Variants in SNX2 observed in about 807,000 individuals in gnomAD.
The protein encoded by SNX2 is sorting nexin 2.
In SNX2, 25 loss-of-function variants were observed where a neutral mutation model predicts 69.9. The observed-to-expected ratio is 0.36, with a 90% CI of 0.26 to 0.50. SNX2 has a LOEUF of 0.50. SNX2 is among the 20% of genes least tolerant of loss of function. The probability of loss-of-function intolerance (pLI) is 0.97; values close to 1 mark genes in which losing one functional copy is unlikely to be tolerated. For synonymous variants in SNX2, 229 were observed against 200.4 expected, an observed-to-expected ratio of 1.14 and a Z score of -1.20; for missense variants, 551 against 613.3, an observed-to-expected ratio of 0.90 and a Z score of 1.07.
chr5:122,805,825 G>A (rs906248494), intron 6 of SNX2, among the ~76,000 whole-genome samples: 18 of 152,060 alleles, frequency 1.2e-4, no homozygotes, highest in Admixed American at 1.0e-3. Context: ...CTGTTGCCCA[G>A]GCTGGAGTGC....
intron 11 of SNX2, among the ~76,000 whole-genome samples, chr5:122,822,792 A>G (rs571068320): frequency 5.3e-5 from 8 of 152,178 alleles, no homozygotes; most frequent in African/African-American, 1.9e-4. Flanking sequence ...ATTGAGGGCA[A>G]TGGTTCTTAA....
rs566118543 is a variant in SNX2, at chr5:122,814,388, A to G, written c.723-1508A>G. ...GCAAAAATTTTTTTAAACCCAGCAT[A>G]GATTGTATCGAAGATACCTGTTAAA... is the stretch of plus-strand genomic sequence containing the variant. On this transcript the variant is annotated intron_variant, in intron 7 of 14. Transcript: ENST00000379516. 1.1e-4 allele frequency among the ~76,000 whole-genome samples: 17 copies of G among 152,328 alleles called. No homozygotes were observed. The South Asian group carries it at 3.5e-3, about 32-fold the overall frequency.
intron 1 of SNX2, among the ~76,000 whole-genome samples, chr5:122,781,190 C>A (rs1752973557): frequency 6.6e-6 from 1 of 152,192 alleles, no homozygotes; most frequent in Admixed American, 6.5e-5. Flanking sequence ...CTCTTCCCAG[C>A]CTCTGGCAAC....
At chr5:122,785,869 G>A (rs1343854632) in intron 1 of SNX2, among the ~76,000 whole-genome samples, 1 of 152,310 alleles carries the variant, frequency 6.6e-6, no homozygotes, top group East Asian at 1.9e-4. Context: ...GTTGGGTGGA[G>A]TGTCGTACAA....
intron 1 of SNX2, among the ~76,000 whole-genome samples, chr5:122,790,816 A>C (rs1335110629): frequency 6.6e-6 from 1 of 152,222 alleles, no homozygotes; most frequent in African/African-American, 2.4e-5. Flanking sequence ...CAAGAAAAGC[A>C]GTTGTTCCTT....
intron 1 of SNX2, among the ~76,000 whole-genome samples, chr5:122,792,674 T>C (rs1753271927): frequency 6.6e-6 from 1 of 152,050 alleles, no homozygotes; most frequent in South Asian, 2.1e-4. Flanking sequence ...GAAATTCCAT[T>C]GCAAAATCTA....
chr5:122,787,196 A>T (rs951670332), intron 1 of SNX2, among the ~76,000 whole-genome samples: 1 of 152,128 alleles, frequency 6.6e-6, no homozygotes, highest in Non-Finnish European at 1.5e-5. Context: ...CAGGACAAAG[A>T]TAAGTAGGTT....
rs879489736 is a variant in SNX2, at chr5:122,829,773, T to TACACAC, written c.*126_*127insCACACA. The TACACAC allele has an allele frequency of 1.3e-5, 8 of 608,840 alleles. No homozygotes were observed. Among genetic ancestry groups the TACACAC allele is most frequent in the African/African-American group, 7.9e-5 (3 of 37,998 alleles). 37.7% of individuals were successfully genotyped at this position (608,840 alleles called of 1,614,324 possible). On this transcript the variant is annotated 3_prime_UTR_variant, in exon 15 of 15. Coordinates refer to ENST00000379516, the MANE Select transcript of SNX2 (RefSeq NM_003100.4). ...ATTTTATGAATTACATGTGGTTTTATATACACACACACACACACACACACA... is the reference window on the plus strand; with the variant it reads ...ATTTTATGAATTACATGTGGTTTTATACACACATACACACACACACACACACACACA...
chr5:122,807,719 CTG>C (rs1753688331), intron 6 of SNX2, among the ~76,000 whole-genome samples: 1 of 152,176 alleles, frequency 6.6e-6, no homozygotes, highest in Non-Finnish European at 1.5e-5. Flanking sequence ...ATAAATGACT[CTG>C]TGAAAGAGCT....
chr5:122,823,148 C>T (rs1713787200), intron 11 of SNX2, among the ~76,000 whole-genome samples: 2 of 146,770 alleles, frequency 1.4e-5, no homozygotes, highest in East Asian at 1.9e-4. Context: ...ATGGATGATC[C>T]GTGTAAACTT....
At chr5:122,775,031 G>A (rs1007276648), upstream of SNX2, 5 of 1,396,580 alleles carry the variant, frequency 3.6e-6, no homozygotes, top group Middle Eastern at 2.2e-4. Context: ...GCGGGTCGGC[G>A]CGGGCCCAGC....
At position 122,829,808 on chromosome 5, in the gene SNX2, ACACT is replaced by A; in HGVS notation, c.*162_*165del. 2 of 534,670 alleles carry A rather than the reference ACACT, an allele frequency of 3.7e-6. No individual in the cohort carries two copies. The highest frequency in any genetic ancestry group is 3.3e-6 in the Non-Finnish European group (1 of 301,926). The allele number at this position is 534,670 out of a possible 1,614,324, so 33.1% of individuals were successfully genotyped here. A position where few individuals can be genotyped will look rare whatever the true frequency, so the allele number is the denominator to read the frequency against. ...CACACACACACACACACACACACACACACTCTGACATTTTATTACAAGCTGCATG... is the reference window on the plus strand; with the variant it reads ...CACACACACACACACACACACACACACTGACATTTTATTACAAGCTGCATG... On this transcript the variant is annotated 3_prime_UTR_variant, in exon 15 of 15. Transcript: ENST00000379516.
At chr5:122,808,170 G>T in intron 6 of SNX2, 107 bp from the exon 7 acceptor site, 1 of 661,526 alleles carries the variant, frequency 1.5e-6, no homozygotes, top group Non-Finnish European at 2.5e-6. Flanking sequence ...CAAGTTTAGG[G>T]CTGTTAAGTT....
intron 1 of SNX2, chr5:122,775,535 G>A: frequency 9.6e-7 from 1 of 1,039,338 alleles, no homozygotes. Flanking sequence ...TCAAGCCGGA[G>A]AAGGGCTTGC....
chr5:122,808,097 GTT>G (rs1753694312), intron 6 of SNX2, among the ~76,000 whole-genome samples, 178 bp from the exon 7 acceptor site: 1 of 152,132 alleles, frequency 6.6e-6, no homozygotes, highest in Admixed American at 6.5e-5. Flanking sequence ...AAGTAAAGAT[GTT>G]AACGTATCAT....
intron 5 of SNX2, among the ~76,000 whole-genome samples, chr5:122,802,942 A>T (rs1373884451): frequency 6.6e-6 from 1 of 152,132 alleles, no homozygotes; most frequent in Non-Finnish European, 1.5e-5. Context: ...GAGAAAGGCA[A>T]CACGGGCAGG....
At chr5:122,781,424 A>T (rs1752979104) in intron 1 of SNX2, among the ~76,000 whole-genome samples, 1 of 152,186 alleles carries the variant, frequency 6.6e-6, no homozygotes, top group Non-Finnish European at 1.5e-5. Context: ...AGGACATTTC[A>T]GTTGTTTCCA....
intron 2 of SNX2, 116 bp downstream of exon 2, chr5:122,795,499 T>A: frequency 1.5e-6 from 1 of 684,266 alleles, no homozygotes; most frequent in Non-Finnish European, 2.5e-6. Context: ...GCAGCTCTTG[T>A]AACAACTTAG....
chr5:122,795,809 A>G (rs1753363949), intron 2 of SNX2, among the ~76,000 whole-genome samples: 3 of 152,174 alleles, frequency 2.0e-5, no homozygotes, highest in Non-Finnish European at 4.4e-5. Flanking sequence ...ACTATTTACC[A>G]TCTGTTCCAT....
Sources: allele counts gnomAD v4.1 joint callset (sites outside exome capture counted in the v4.1 genomes callset), GRCh38; gene constraint gnomAD v4.1.1; transcripts MANE v1.5; gene names NCBI Gene and HGNC (gene_info 2026-07-23, HGNC 2026-07-21).